TMEM178B: variants seen among roughly 807,000 people sequenced by gnomAD.
TMEM178B encodes transmembrane protein 178B.
A neutral mutation model predicts 31.0 loss-of-function variants in TMEM178B; 5 were observed. That is an observed-to-expected ratio of 0.16 (90% CI 0.08 to 0.34). The LOEUF is 0.34. TMEM178B is among the 10% of genes least tolerant of loss of function. TMEM178B has a pLI of 1.00. For missense variants in TMEM178B, 275 were observed against 400.3 expected, an observed-to-expected ratio of 0.69 and a Z score of 2.67; for synonymous variants, 164 against 164.0, an observed-to-expected ratio of 1.00 and a Z score of 0.00.
At chr7:141,152,697 C>G (rs192899463) in intron 1 of TMEM178B, among the ~76,000 whole-genome samples, 1 of 152,172 alleles carries the variant, frequency 6.6e-6, no homozygotes, top group Non-Finnish European at 1.5e-5. Context: ...GCCTCCAACC[C>G]GAGGGGCTGC....
chr7:141,447,542 C>T (rs779073231), intron 3 of TMEM178B, among the ~76,000 whole-genome samples: 15 of 152,012 alleles, frequency 9.9e-5, no homozygotes, highest in Non-Finnish European at 1.6e-4. Flanking sequence ...GGCGTCCATC[C>T]GCATTCTGCT....
At chr7:141,256,076 ATCCC>A (rs902546972) in intron 2 of TMEM178B, among the ~76,000 whole-genome samples, 1 of 151,544 alleles carries the variant, frequency 6.6e-6, no homozygotes, top group Non-Finnish European at 1.5e-5. Flanking sequence ...CCCTCCATCC[ATCCC>A]TCCCTCTGTC....
chr7:141,185,583 G>T (rs1796597484), intron 1 of TMEM178B, among the ~76,000 whole-genome samples: 1 of 152,082 alleles, frequency 6.6e-6, no homozygotes. Context: ...CCTATCTCCA[G>T]CTGCTTGTGT....
chr7:141,289,215 C>G (rs1798502175), intron 2 of TMEM178B, among the ~76,000 whole-genome samples: 1 of 152,182 alleles, frequency 6.6e-6, no homozygotes, highest in Admixed American at 6.5e-5. Context: ...GTCGAGAGCA[C>G]CAGCTCCAAA....
the TMEM178B span, among the ~76,000 whole-genome samples, chr7:141,495,985 A>C: frequency 6.6e-6 from 1 of 152,188 alleles, no homozygotes; most frequent in Non-Finnish European, 1.5e-5. Flanking sequence ...CAGCCTCTTC[A>C]TGTTTACATA....
At chr7:141,507,253 C>T in the TMEM178B span, among the ~76,000 whole-genome samples, 2 of 152,238 alleles carry the variant, frequency 1.3e-5, no homozygotes, top group Non-Finnish European at 2.9e-5. Flanking sequence ...GCTCCAACCC[C>T]GCGTTTCCCT....
chr7:141,253,188 C>T (rs948297709), intron 2 of TMEM178B, among the ~76,000 whole-genome samples: 1 of 152,246 alleles, frequency 6.6e-6, no homozygotes, highest in Non-Finnish European at 1.5e-5. Flanking sequence ...GGGGCAGTAT[C>T]TGCTTCCCCC....
chr7:141,318,513 A>G lies in TMEM178B; in HGVS notation c.496+105809A>G, dbSNP rs1318190180. On this transcript the variant is annotated intron_variant, in intron 2 of 3. Coordinates refer to ENST00000565468, the MANE Select transcript of TMEM178B (RefSeq NM_001195278.2). This position sits in a 1 kb window ranked among gnomAD's most constrained non-coding sequence, Gnocchi z 4.1. ...TATCTGATTTTAAAACTTTTCACTC[A>G]CACTAAGGTAAATACCATTTGTCAC... 2.0e-5 allele frequency among the ~76,000 whole-genome samples: 3 copies of G among 152,302 alleles called. No individual in the cohort carries two copies. The highest frequency in any genetic ancestry group is 2.9e-5 in the Non-Finnish European group (2 of 68,032).
chr7:141,101,233 C>G (rs1795052394), intron 1 of TMEM178B, among the ~76,000 whole-genome samples: 1 of 152,184 alleles, frequency 6.6e-6, no homozygotes, highest in African/African-American at 2.4e-5. Flanking sequence ...GCAGAAGTTA[C>G]TCTAAATCTG....
At chr7:141,386,963 A>G (rs2116597566) in intron 2 of TMEM178B, among the ~76,000 whole-genome samples, 1 of 152,322 alleles carries the variant, frequency 6.6e-6, no homozygotes, top group South Asian at 2.1e-4. Context: ...AAATCCCGGA[A>G]GAAAGAAGTC....
rs1464562308 is a variant in TMEM178B at position 141,479,035 on chromosome 7, A to ATCTGCCCCCAGAGGGTGTCGGC, written c.*8250_*8271dup. The ATCTGCCCCCAGAGGGTGTCGGC allele has an allele frequency of 6.6e-6, 1 of 152,238 alleles. No homozygotes were observed. Among genetic ancestry groups the ATCTGCCCCCAGAGGGTGTCGGC allele is most frequent in the Non-Finnish European group, 1.5e-5 (1 of 68,078 alleles). The allele number at this position is 152,238 out of a possible 1,614,324, so 9.4% of individuals were successfully genotyped here. On this transcript the variant is annotated 3_prime_UTR_variant, in exon 4 of 4. Transcript: ENST00000565468. ...ACCACTCCTGTGGACTGCATGTCCC[A>ATCTGCCCCCAGAGGGTGTCGGC]TCTGCCCCCAGAGGGTGTCGGCGCT... is the stretch of plus-strand genomic sequence containing the variant.
chr7:141,436,613 GAA>G (rs1365244942), intron 2 of TMEM178B, among the ~76,000 whole-genome samples: 2 of 151,940 alleles, frequency 1.3e-5, no homozygotes, highest in Non-Finnish European at 2.9e-5. Flanking sequence ...GATGGATGAG[GAA>G]AGTGTGCCCG....
chr7:141,503,437 A>G, the TMEM178B span, among the ~76,000 whole-genome samples: 1 of 152,316 alleles, frequency 6.6e-6, no homozygotes, highest in East Asian at 1.9e-4. Context: ...GTGGGGATGA[A>G]TGAGATAATG....
the TMEM178B span, among the ~76,000 whole-genome samples, chr7:141,494,895 G>C: frequency 1.3e-5 from 2 of 152,194 alleles, no homozygotes; most frequent in Non-Finnish European, 2.9e-5. Context: ...CGATAATATA[G>C]GAGGTGAGGA....
At chr7:141,366,052 G>A (rs1367023502) in intron 2 of TMEM178B, among the ~76,000 whole-genome samples, 1 of 152,198 alleles carries the variant, frequency 6.6e-6, no homozygotes, top group Non-Finnish European at 1.5e-5. Flanking sequence ...TTTCTATAAA[G>A]CATAGAGCGC....
At chr7:141,097,423 C>T (rs1016746758) in intron 1 of TMEM178B, among the ~76,000 whole-genome samples, 5 of 145,930 alleles carry the variant, frequency 3.4e-5, no homozygotes, top group Admixed American at 3.4e-4. Context: ...TAGGTTAACA[C>T]AATACATGTT....
At chr7:141,084,670 C>T (rs563976500) in intron 1 of TMEM178B, among the ~76,000 whole-genome samples, 3 of 152,182 alleles carry the variant, frequency 2.0e-5, no homozygotes, top group Non-Finnish European at 2.9e-5. Context: ...TTATGAGCCC[C>T]GACTAGGTAA....
At chr7:141,132,376 A>G (rs760345187) in intron 1 of TMEM178B, among the ~76,000 whole-genome samples, 4 of 152,212 alleles carry the variant, frequency 2.6e-5, no homozygotes, top group Non-Finnish European at 4.4e-5. Flanking sequence ...CATAATAAAT[A>G]TTTGTTTAAT....
At chr7:141,321,771 A>G (rs1053427580) in intron 2 of TMEM178B, among the ~76,000 whole-genome samples, 8 of 152,082 alleles carry the variant, frequency 5.3e-5, no homozygotes, top group Non-Finnish European at 1.0e-4. Flanking sequence ...CAGCTTTTAA[A>G]GAAGCATGGA....
Sources: allele counts gnomAD v4.1 joint callset (sites outside exome capture counted in the v4.1 genomes callset), GRCh38; gene constraint gnomAD v4.1.1; non-coding constraint Gnocchi (gnomAD v3.1); transcripts MANE v1.5; gene names NCBI Gene and HGNC (gene_info 2026-07-23, HGNC 2026-07-21).